Variants in TMTC2 observed in about 807,000 individuals in gnomAD.
TMTC2 encodes transmembrane O-mannosyltransferase targeting cadherins 2.
A neutral mutation model predicts 82.4 loss-of-function variants in TMTC2; 43 were observed. The observed-to-expected ratio is 0.52, with a 90% confidence interval of 0.41 to 0.67. TMTC2 has a LOEUF of 0.67. TMTC2 is among the 30% of genes least tolerant of loss of function. The pLI, the probability that TMTC2 is intolerant of heterozygous loss-of-function variation, is 0.00. For synonymous variants in TMTC2, 408 were observed against 381.9 expected (o/e 1.07, Z -0.80); for missense variants, 919 against 1,012.4 (o/e 0.91, Z 1.25).
At chr12:82,710,894 T>C (rs1366120693) in intron 1 of TMTC2, among the ~76,000 whole-genome samples, 1 of 152,234 alleles carries the variant, frequency 6.6e-6, no homozygotes, top group Non-Finnish European at 1.5e-5. Flanking sequence ...TTATTTTTCA[T>C]GTAATCTGTC....
chr12:82,986,022 C>T lies in TMTC2; in HGVS notation c.2046C>T (p.Thr682=). The change falls in exon 8 of 12, where the codon ACC becomes ACT. Residue 682 remains threonine, a synonymous_variant. Transcript: ENST00000321196. ...CTGACCACATCCCTGCTCATCTCAC[C>T]TATGGGAAGCTGCTAGCTCTAACAG... ...SKTDHIPAHL[T]YGKLLALTGR... 1.9e-6 allele frequency: 3 copies of T among 1,614,012 alleles called. No individual in the cohort carries two copies. The highest frequency in any genetic ancestry group is 2.5e-6 in the Non-Finnish European group (3 of 1,179,936).
intron 1 of TMTC2, among the ~76,000 whole-genome samples, chr12:82,769,905 C>T (rs11115398): frequency 0.16 from 24,976 of 152,156 alleles, 2,567 homozygotes; most frequent in African/African-American, 0.28. Flanking sequence ...CCACCATACC[C>T]GGCCAAGACA....
At chr12:83,110,240 A>T (rs11115595) in intron 11 of TMTC2, among the ~76,000 whole-genome samples, 5,532 of 152,234 alleles carry the variant, frequency 0.036, 161 homozygotes, top group South Asian at 0.11. Context: ...TCTTCGCTAG[A>T]TGCCTTTGGT....
intron 1 of TMTC2, among the ~76,000 whole-genome samples, chr12:82,745,671 G>A (rs949719613): frequency 1.3e-5 from 2 of 152,164 alleles, no homozygotes; most frequent in Non-Finnish European, 2.9e-5. Context: ...AGAATTAATT[G>A]TCTTTATGCA....
chr12:82,965,336 T>G (rs1412072771), intron 5 of TMTC2, among the ~76,000 whole-genome samples: 1 of 152,124 alleles, frequency 6.6e-6, no homozygotes, highest in Non-Finnish European at 1.5e-5. Flanking sequence ...ATTTTAAGCT[T>G]AAAATATTTG....
chr12:82,918,318 C>T (rs868703773), intron 3 of TMTC2, among the ~76,000 whole-genome samples: 1 of 152,218 alleles, frequency 6.6e-6, no homozygotes, highest in Non-Finnish European at 1.5e-5. Flanking sequence ...TGATAGATGA[C>T]TGGCAAGATT....
rs765676538 is a variant in TMTC2 at position 83,052,830 on chromosome 12, T to TA, written c.2267+1812_2267+1813insA. On this transcript the variant is annotated intron_variant, in intron 10 of 11. Coordinates refer to ENST00000321196, the MANE Select transcript of TMTC2 (RefSeq NM_152588.3). ...TTATATACTGGCAGTGAGGAAATCTTTAGGATTTATTTTCAGAACCTCCTC... is the reference window on the plus strand; with the variant it reads ...TTATATACTGGCAGTGAGGAAATCTTATAGGATTTATTTTCAGAACCTCCTC... Among the ~76,000 whole-genome samples, 6 of 152,216 alleles carry TA rather than the reference T, an allele frequency of 3.9e-5. No individual in the cohort carries two copies. The East Asian group carries it at 1.2e-3, about 29-fold the overall frequency.
intron 1 of TMTC2, among the ~76,000 whole-genome samples, chr12:82,780,247 G>C (rs1877827773): frequency 1.3e-5 from 2 of 152,030 alleles, no homozygotes; most frequent in African/African-American, 4.8e-5. Context: ...GAAAATACCT[G>C]GCTCATTTTC....
At chr12:82,930,925 A>T (rs10746260) in intron 4 of TMTC2, among the ~76,000 whole-genome samples, 117,897 of 152,060 alleles carry the variant, frequency 0.78, 47,521 homozygotes, top group East Asian at 1. Flanking sequence ...TATTATTTTT[A>T]TGAGACAGTA....
At chr12:82,805,189 A>G (rs537831582) in intron 1 of TMTC2, among the ~76,000 whole-genome samples, 1 of 152,286 alleles carries the variant, frequency 6.6e-6, no homozygotes, top group South Asian at 2.1e-4. Flanking sequence ...AACTTGTGGA[A>G]TGCTGAGAAA....
chr12:82,928,660 G>A (rs1191547636), intron 3 of TMTC2, among the ~76,000 whole-genome samples: 1 of 152,186 alleles, frequency 6.6e-6, no homozygotes, highest in Non-Finnish European at 1.5e-5. Context: ...TCGGATTAGA[G>A]TTTTTGCTGT....
At chr12:82,901,133 A>G (rs1449456077) in intron 3 of TMTC2, among the ~76,000 whole-genome samples, 6 of 12,352 alleles carry the variant, frequency 4.9e-4, no homozygotes, top group Admixed American at 1.4e-3. Context: ...GAATATATAT[A>G]TATCTGGAAT....
chr12:83,044,143 G>GA (rs368821702), intron 9 of TMTC2, among the ~76,000 whole-genome samples: 270 of 152,296 alleles, frequency 1.8e-3, no homozygotes, highest in African/African-American at 6.2e-3. Flanking sequence ...ATATGAATAG[G>GA]AAAATTTCTG....
intron 1 of TMTC2, among the ~76,000 whole-genome samples, chr12:82,690,173 G>A (rs1046615943): frequency 6.6e-6 from 1 of 152,188 alleles, no homozygotes; most frequent in Non-Finnish European, 1.5e-5. Flanking sequence ...GTGTGTGAAG[G>A]GGGAGGAAAG....
chr12:82,849,304 C>G (rs1195782780), intron 1 of TMTC2, among the ~76,000 whole-genome samples: 1 of 151,890 alleles, frequency 6.6e-6, no homozygotes, highest in Non-Finnish European at 1.5e-5. Context: ...CAGAGGTGAC[C>G]TATAGCCTAA....
chr12:82,978,370 G>C (rs767165550), intron 7 of TMTC2, among the ~76,000 whole-genome samples: 2 of 151,480 alleles, frequency 1.3e-5, no homozygotes. Context: ...TAAAACTGAG[G>C]ACCTTTAAAA....
At chr12:82,984,606 T>C (rs1331179271) in intron 7 of TMTC2, among the ~76,000 whole-genome samples, 4 of 152,190 alleles carry the variant, frequency 2.6e-5, no homozygotes, top group African/African-American at 9.7e-5. Flanking sequence ...CTTATGCTTA[T>C]ATATAAAGGT....
intron 1 of TMTC2, among the ~76,000 whole-genome samples, chr12:82,693,205 G>T (rs1247206301): frequency 6.6e-6 from 1 of 152,144 alleles, no homozygotes; most frequent in Non-Finnish European, 1.5e-5. Context: ...AATTCCACTT[G>T]AATTTATCAC....
intron 1 of TMTC2, among the ~76,000 whole-genome samples, chr12:82,730,407 G>T (rs1408771451): frequency 6.7e-6 from 1 of 149,844 alleles, no homozygotes; most frequent in Non-Finnish European, 1.5e-5. Context: ...ATAATAATAA[G>T]AGTGTAGTCT....
Sources: allele counts gnomAD v4.1 joint callset (sites outside exome capture counted in the v4.1 genomes callset), GRCh38; gene constraint gnomAD v4.1.1; transcripts MANE v1.5; gene names NCBI Gene and HGNC (gene_info 2026-07-23, HGNC 2026-07-21).